The following NBEAL1 variants were observed in gnomAD, a reference collection of about 807,000 sequenced individuals.
The protein encoded by NBEAL1 is neurobeachin-like protein 1.
In NBEAL1, 273 loss-of-function variants were observed where a neutral mutation model predicts 351.3. The ratio of observed to expected loss-of-function variants is 0.78; its 90% CI spans 0.70 to 0.86. The LOEUF is 0.86. NBEAL1 is among the 40% of genes least tolerant of loss of function. The pLI is 0.00. For missense variants in NBEAL1, 2,961 were observed against 3,201.3 expected, an observed-to-expected ratio of 0.92 and a Z score of 1.81; for synonymous variants, 1,050 against 1,086.4, an observed-to-expected ratio of 0.97 and a Z score of 0.66.
At chr2:203,175,069 A>G in intron 41 of NBEAL1, 78 bp from the exon 42 acceptor site, 2 of 1,232,648 alleles carry the variant, frequency 1.6e-6, no homozygotes, top group Non-Finnish European at 1.1e-6. Context: ...CTGTATTTTC[A>G]GAAATAAAAT....
In NBEAL1 at chr2:203,014,946, A is replaced by ACGGCTGCCGGGCGG. The variant is rs1320922424; in HGVS notation, c.-256_-243dup. 1 of 152,184 alleles carries ACGGCTGCCGGGCGG rather than the reference A, an allele frequency of 6.6e-6. No individual in the cohort carries two copies. Among genetic ancestry groups the ACGGCTGCCGGGCGG allele is most frequent in the Non-Finnish European group, 1.5e-5 (1 of 68,094 alleles). 9.4% of individuals were successfully genotyped at this position (152,184 alleles called of 1,614,324 possible). A position where few individuals can be genotyped will look rare whatever the true frequency, so the allele number is the denominator to read the frequency against. On this transcript the variant is annotated 5_prime_UTR_variant, in exon 1 of 56. Coordinates refer to ENST00000683969, the MANE Select transcript of NBEAL1 (RefSeq NM_001378026.1). ...GGAAGGGGTCGAGGGAAGCAGTTAG[A>ACGGCTGCCGGGCGG]CGGCTGCCGGGCGGCGGCTGCCGCG... is the stretch of plus-strand genomic sequence containing the variant.
At chr2:203,127,155 T>C (rs1303876389) in intron 23 of NBEAL1, among the ~76,000 whole-genome samples, 1 of 152,240 alleles carries the variant, frequency 6.6e-6, no homozygotes, top group African/African-American at 2.4e-5. Context: ...AACTTCTCTG[T>C]GCTTGGGTTT....
intron 14 of NBEAL1, among the ~76,000 whole-genome samples, 157 bp from the exon 15 acceptor site, chr2:203,109,993 T>A (rs1432257002): frequency 6.6e-6 from 1 of 152,150 alleles, no homozygotes; most frequent in African/African-American, 2.4e-5. Flanking sequence ...TTTAAAGGGG[T>A]CTTTGAAACA....
chr2:203,078,701 A>C (rs1195684582), intron 8 of NBEAL1, among the ~76,000 whole-genome samples: 1 of 152,220 alleles, frequency 6.6e-6, no homozygotes, highest in Non-Finnish European at 1.5e-5. Flanking sequence ...CAGAAAGTAC[A>C]TGTATAAACA....
At chr2:203,094,526 G>A (rs908767753) in intron 10 of NBEAL1, among the ~76,000 whole-genome samples, 2 of 152,178 alleles carry the variant, frequency 1.3e-5, no homozygotes, top group African/African-American at 4.8e-5. Flanking sequence ...AACAATTTAT[G>A]AATCAGATGG....
At chr2:203,115,944 A>AT in intron 17 of NBEAL1, 41 bp from the exon 18 acceptor site, 2 of 1,244,684 alleles carry the variant, frequency 1.6e-6, no homozygotes, top group Middle Eastern at 1.9e-4. Context: ...AGGAGACCAT[A>AT]TATATTCAAT....
At chr2:203,055,710 C>T (rs943961927) in intron 4 of NBEAL1, among the ~76,000 whole-genome samples, 3 of 152,020 alleles carry the variant, frequency 2.0e-5, no homozygotes, top group African/African-American at 4.8e-5. Context: ...TATCTCATAA[C>T]AAAATTAATG....
intron 31 of NBEAL1, 102 bp downstream of exon 31, chr2:203,138,850 C>T (rs930893310): frequency 2.6e-6 from 3 of 1,174,902 alleles, no homozygotes; most frequent in African/African-American, 3.2e-5. Flanking sequence ...TTAAGTTTTT[C>T]ATTAGTTCTA....
Position 203,175,232 on chromosome 2 carries a change from T to C in NBEAL1, c.6409T>C (p.Tyr2137His), listed in dbSNP as rs2064463141. Reference sequence around the variant, plus strand: ...TTCAAATTCTGCGGGGGTCATGCACTATCTCATTCGTGTAGAACCGTTCAC... The same window carrying C: ...TTCAAATTCTGCGGGGGTCATGCACCATCTCATTCGTGTAGAACCGTTCAC... ...HYSNSAGVMH[Y>H]LIRVEPFTTL... Residue 2137 changes from tyrosine (Y) to histidine (H), a missense_variant, in exon 42 of 56, where the codon TAT becomes CAT. Coordinates refer to ENST00000683969, the MANE Select transcript of NBEAL1 (RefSeq NM_001378026.1). 8.7e-6 allele frequency: 14 copies of C among 1,613,928 alleles called. No individual in the cohort carries two copies. Among genetic ancestry groups the C allele is most frequent in the Non-Finnish European group, 1.0e-5 (12 of 1,179,958 alleles).
chr2:203,039,043 CT>C lies in NBEAL1; in HGVS notation c.52-2714del, dbSNP rs1010497624. ...TTAAATTTTGATTAATACCAGTTAT[CT>C]TTTTTTTCTTTTTCAGTTTATGATT... On this transcript the variant is annotated intron_variant, in intron 2 of 55. Coordinates refer to ENST00000683969, the MANE Select transcript of NBEAL1 (RefSeq NM_001378026.1). Among the ~76,000 whole-genome samples, 72 of 148,072 alleles carry C rather than the reference CT, an allele frequency of 4.9e-4. 1 individual carries two copies. Among genetic ancestry groups the C allele is most frequent in the African/African-American group, 1.6e-3 (67 of 40,912 alleles).
chr2:203,076,773 G>A (rs1491002242), intron 7 of NBEAL1, among the ~76,000 whole-genome samples: 2 of 151,472 alleles, frequency 1.3e-5, no homozygotes, highest in African/African-American at 4.8e-5. Context: ...TGCATTTTTA[G>A]TAGAGACAGG....
chr2:203,207,774 G>T (rs2065652271), intron 51 of NBEAL1, among the ~76,000 whole-genome samples: 1 of 152,186 alleles, frequency 6.6e-6, no homozygotes, highest in Non-Finnish European at 1.5e-5. Context: ...CACAAACACT[G>T]CGGAAGGCCG....
At chr2:203,142,480 C>CCT (rs1160806578) in intron 31 of NBEAL1, among the ~76,000 whole-genome samples, 1 of 151,968 alleles carries the variant, frequency 6.6e-6, no homozygotes, top group African/African-American at 2.4e-5. Context: ...TTTTGTAACT[C>CCT]CTCAGGTGAC....
intron 17 of NBEAL1, among the ~76,000 whole-genome samples, chr2:203,113,940 G>A (rs1176036843): frequency 6.6e-6 from 1 of 150,966 alleles, no homozygotes; most frequent in Non-Finnish European, 1.5e-5. Flanking sequence ...TCCTGCTTCA[G>A]CCTCCCGAGT....
chr2:203,118,191 T>C (rs2062742925), intron 18 of NBEAL1, among the ~76,000 whole-genome samples: 1 of 152,218 alleles, frequency 6.6e-6, no homozygotes, highest in Non-Finnish European at 1.5e-5. Context: ...TCAAATCATT[T>C]GTGAAAACGA....
At chr2:203,098,547 GC>G (rs1429134155) in intron 11 of NBEAL1, among the ~76,000 whole-genome samples, 2 of 152,068 alleles carry the variant, frequency 1.3e-5, no homozygotes, top group Middle Eastern at 3.2e-3. Flanking sequence ...GATTGTCTAA[GC>G]CTGATATAAC....
At chr2:203,184,074 T>TAAAAAAAAAAAAAAAA (rs1170251389) in intron 44 of NBEAL1, among the ~76,000 whole-genome samples, 122 of 87,820 alleles carry the variant, frequency 1.4e-3, no homozygotes, top group African/African-American at 2.0e-3. Flanking sequence ...CGAGACTGTC[T>TAAAAAAAAAAAAAAAA]AAAAAAAAAA....
In NBEAL1 at chr2:203,217,761, A is replaced by ATT; in HGVS notation, c.*408_*409insTT. The stretch of plus-strand genomic sequence containing the variant: ...ATTTACTGACCACTGTAATGAAAAT[A>ATT]TATCAATTTATTTATGGAACTCCTG... On this transcript the variant is annotated 3_prime_UTR_variant, in exon 56 of 56. Transcript: ENST00000683969. The ATT allele has an allele frequency of 2.0e-6, 2 of 975,970 alleles. No homozygotes were observed. Among genetic ancestry groups the ATT allele is most frequent in the Non-Finnish European group, 2.4e-6 (2 of 821,268 alleles). The allele number at this position is 975,970 out of a possible 1,614,324, so 60.5% of individuals were successfully genotyped here.
At chr2:203,113,709 T>C (rs573788153) in intron 17 of NBEAL1, among the ~76,000 whole-genome samples, 19 of 152,116 alleles carry the variant, frequency 1.2e-4, no homozygotes, top group African/African-American at 4.6e-4. Flanking sequence ...CTCACTTCTA[T>C]ATAAGTGAGG....
Sources: gnomAD v4.1 joint callset for allele counts (sites outside exome capture counted in the v4.1 genomes callset) on GRCh38, gnomAD v4.1.1 for gene constraint, MANE v1.5 for transcripts, NCBI Gene and HGNC (gene_info 2026-07-23, HGNC 2026-07-21) for gene names.